Variants in CMIP observed in about 807,000 individuals in gnomAD.
The protein encoded by CMIP is c-Maf inducing protein.
Under a neutral mutation model 97.3 loss-of-function variants are expected in CMIP, and 13 were observed. The ratio of observed to expected loss-of-function variants is 0.13; its 90% CI spans 0.09 to 0.21. The LOEUF (loss-of-function observed/expected upper bound fraction) is 0.21, where lower values mean the gene tolerates loss of function less well. Ranked by LOEUF, CMIP falls within the 10% of genes least tolerant of loss-of-function variation. CMIP has a pLI of 1.00. For missense variants in CMIP, 847 were observed against 1,024.9 expected, an observed-to-expected ratio of 0.83 and a Z score of 2.37; for synonymous variants, 538 against 436.3, an observed-to-expected ratio of 1.23 and a Z score of -2.91.
chr16:81,561,632 C>G (rs1175567958), intron 1 of CMIP, among the ~76,000 whole-genome samples: 1 of 152,138 alleles, frequency 6.6e-6, no homozygotes, highest in Non-Finnish European at 1.5e-5. Flanking sequence ...CTTGAGTTTT[C>G]TGCGGAGTGG....
At chr16:81,646,248 G>GTGGA (rs142200346) in intron 3 of CMIP, among the ~76,000 whole-genome samples, 2,956 of 85,924 alleles carry the variant, frequency 0.034, 76 homozygotes, top group African/African-American at 0.089. Context: ...GGGCGGGTGG[G>GTGGA]TGGATGGATG....
chr16:81,603,271 C>A, intron 1 of CMIP: 1 of 389,260 alleles, frequency 2.6e-6, no homozygotes, highest in Non-Finnish European at 5.1e-6. Context: ...TTAGTAGAGA[C>A]GGGGTTTCAC....
chr16:81,498,145 C>T (rs535095865), intron 1 of CMIP, among the ~76,000 whole-genome samples: 4 of 152,212 alleles, frequency 2.6e-5, no homozygotes, highest in Non-Finnish European at 5.9e-5. Flanking sequence ...TAGCAGTGGG[C>T]CTCTGGGCAG....
chr16:81,613,977 C>T (rs979912655), intron 2 of CMIP, among the ~76,000 whole-genome samples: 1 of 152,174 alleles, frequency 6.6e-6, no homozygotes, highest in African/African-American at 2.4e-5. Flanking sequence ...TTCCTGACCT[C>T]CCAGAGCCCA....
chr16:81,536,788 A>T (rs1327012578), intron 1 of CMIP, among the ~76,000 whole-genome samples: 3 of 152,084 alleles, frequency 2.0e-5, no homozygotes, highest in Non-Finnish European at 4.4e-5. Flanking sequence ...TTATAGAAAC[A>T]TACGTGCGTC....
chr16:81,496,614 T>A lies in CMIP; in HGVS notation c.300+51073T>A, dbSNP rs1254696296. Among the ~76,000 whole-genome samples, 3 of 152,352 alleles carry A rather than the reference T, an allele frequency of 2.0e-5. No homozygotes were observed. In the East Asian group the frequency reaches 5.8e-4, roughly 29 times the overall value. ...GGTGCGGGAGAGCTCAGTTTTAAAT[T>A]TGGTGAGCTTTTGTGCACGTGCTTC... On this transcript the variant is annotated intron_variant, in intron 1 of 20. Transcript: ENST00000537098.
At chr16:81,476,047 A>G (rs1039277527) in intron 1 of CMIP, 2 of 722,048 alleles carry the variant, frequency 2.8e-6, no homozygotes, top group Non-Finnish European at 2.6e-6. Flanking sequence ...CACAGTTAGC[A>G]ATAGTGATCT....
intron 1 of CMIP, among the ~76,000 whole-genome samples, chr16:81,532,369 C>G (rs945567355): frequency 1.3e-5 from 2 of 152,194 alleles, no homozygotes; most frequent in Admixed American, 6.5e-5. Context: ...ATATAATTGT[C>G]TTTTAGAAGA....
chr16:81,558,172 G>A (rs1438460903), intron 1 of CMIP, among the ~76,000 whole-genome samples: 4 of 152,152 alleles, frequency 2.6e-5, no homozygotes, highest in Non-Finnish European at 5.9e-5. Flanking sequence ...GCTGCACCAT[G>A]CTTCTCCATC....
At chr16:81,628,302 A>T (rs1198202298) in intron 3 of CMIP, among the ~76,000 whole-genome samples, 1 of 152,034 alleles carries the variant, frequency 6.6e-6, no homozygotes, top group Non-Finnish European at 1.5e-5. Context: ...CCAGGCTGCA[A>T]ATCCCTTCCC....
At chr16:81,669,915 A>T (rs908003927) in intron 7 of CMIP, among the ~76,000 whole-genome samples, 2 of 152,218 alleles carry the variant, frequency 1.3e-5, no homozygotes, top group Admixed American at 6.5e-5. Flanking sequence ...AGCCAGAAGC[A>T]CCTGCTCATC....
In CMIP at chr16:81,652,220, T is replaced by C. The variant is rs747482762; in HGVS notation, c.495T>C (p.Tyr165=). The change falls in exon 4 of 21, where the codon TAT becomes TAC. Residue 165 remains tyrosine (Y), a synonymous_variant. Transcript: ENST00000537098. The surrounding 1 kb of genome is among the most constrained non-coding windows in gnomAD (Gnocchi z 5.2). ...TCAACCAGAAAAAGATTTACAAATA[T>C]AAGAAAGTGCTGAGTAACCCAAGCC... The part of the protein sequence containing the change: ...SLQWKKKIYK[Y]KKVLSNPSRW... The C allele has an allele frequency of 2.5e-6, 4 of 1,613,150 alleles. No individual in the cohort carries two copies. Among genetic ancestry groups the C allele is most frequent in the East Asian group, 2.2e-5 (1 of 44,884 alleles).
rs1178541908 is a variant in CMIP at position 81,638,635 on chromosome 16, G to A, written c.478-13568G>A. ...TCCCTTCTCCTTGGAGAAGAACCCG[G>A]CAGCTTCTGCCTGCACCTGAGAATG... On this transcript the variant is annotated intron_variant, in intron 3 of 20. Coordinates refer to ENST00000537098, the MANE Select transcript of CMIP (RefSeq NM_198390.3). Among the ~76,000 whole-genome samples the A allele has an allele frequency of 2.0e-5, 3 of 151,742 alleles. No homozygotes were observed. In the East Asian group the frequency reaches 5.8e-4, roughly 30 times the overall value.
chr16:81,534,863 T>A (rs1230338095), intron 1 of CMIP, among the ~76,000 whole-genome samples: 1 of 152,258 alleles, frequency 6.6e-6, no homozygotes, highest in Non-Finnish European at 1.5e-5. Context: ...AAATATGTGC[T>A]AAGTTTCCTT....
intron 3 of CMIP, among the ~76,000 whole-genome samples, chr16:81,647,083 G>C (rs2092371927): frequency 3.3e-5 from 5 of 152,194 alleles, no homozygotes; most frequent in Admixed American, 3.3e-4. Flanking sequence ...CAACACACAA[G>C]ATTCCCAGTT....
chr16:81,484,875 G>A (rs993135643), intron 1 of CMIP, among the ~76,000 whole-genome samples: 87 of 151,720 alleles, frequency 5.7e-4, no homozygotes, highest in African/African-American at 2.1e-3. Context: ...TAGGAGTGGG[G>A]TCTGCTCAGA....
intron 3 of CMIP, among the ~76,000 whole-genome samples, chr16:81,643,315 T>C (rs1234501515): frequency 2.0e-5 from 3 of 152,190 alleles, no homozygotes; most frequent in Non-Finnish European, 2.9e-5. Flanking sequence ...TTATATGCAA[T>C]GTTCAGAATA....
intron 1 of CMIP, among the ~76,000 whole-genome samples, chr16:81,578,517 C>T (rs539718211): frequency 6.6e-5 from 10 of 152,324 alleles, no homozygotes; most frequent in Non-Finnish European, 5.9e-5. Flanking sequence ...TCTCTCCTTC[C>T]TTCTCCAAAA....
chr16:81,673,975 A>AG (rs1473148118), intron 9 of CMIP, among the ~76,000 whole-genome samples: 1 of 152,186 alleles, frequency 6.6e-6, no homozygotes, highest in African/African-American at 2.4e-5. Flanking sequence ...AAACCTGTAC[A>AG]GGGGGGATTT....
Sources: allele counts gnomAD v4.1 joint callset (sites outside exome capture counted in the v4.1 genomes callset), GRCh38; gene constraint gnomAD v4.1.1; non-coding constraint Gnocchi (gnomAD v3.1); transcripts MANE v1.5; gene names NCBI Gene and HGNC (gene_info 2026-07-23, HGNC 2026-07-21).